MTTP: variants seen among roughly 807,000 people sequenced by gnomAD.
MTTP encodes microsomal triglyceride transfer protein large subunit.
A neutral mutation model predicts 90.6 loss-of-function variants in MTTP; 49 were observed. The ratio of observed to expected loss-of-function variants is 0.54; its 90% CI spans 0.43 to 0.69. The LOEUF (loss-of-function observed/expected upper bound fraction) is 0.69. Among genes scored for constraint, MTTP ranks in the 30% least tolerant of loss-of-function variants. The pLI, the probability that MTTP is intolerant of heterozygous loss-of-function variation, is 0.00. For missense variants in MTTP, 945 were observed against 1,067.5 expected, an observed-to-expected ratio of 0.89 and a Z score of 1.60; for synonymous variants, 347 against 384.2, an observed-to-expected ratio of 0.90 and a Z score of 1.13.
intron 12 of MTTP, 118 bp from the exon 13 acceptor site, chr4:99,611,025 G>C (rs1226206223): frequency 3.9e-6 from 4 of 1,022,134 alleles, no homozygotes; most frequent in Non-Finnish European, 6.0e-6. Flanking sequence ...CTCTTGGAAA[G>C]GCATGAGGAA....
intron 12 of MTTP, among the ~76,000 whole-genome samples, chr4:99,609,967 G>A (rs1725911362): frequency 6.6e-6 from 1 of 152,164 alleles, no homozygotes. Flanking sequence ...AGCATTTCAG[G>A]GACCCGGAAA....
chr4:99,592,123 C>G (rs965923627), intron 6 of MTTP, among the ~76,000 whole-genome samples: 2 of 152,042 alleles, frequency 1.3e-5, no homozygotes, highest in Non-Finnish European at 2.9e-5. Flanking sequence ...TGTATCTAGA[C>G]ATAGAAAAAG....
rs746584812 is a variant in MTTP, at chr4:99,619,086, G to T, written c.2330G>T (p.Arg777Leu). ...TTGTGGTATCGTGAGTCTAAAACCC[G>T]AGTGAAAAATAGGTAAGTGTTTATG... ...FSLWYRESKT[R>L]VKNRVTVVIT... Residue 777 changes from arginine to leucine, a missense_variant, in exon 16 of 18, where the codon CGA becomes CTA. By Grantham distance (102) the Arg-to-Leu change is moderately radical (BLOSUM62 -2). Coordinates refer to ENST00000265517, the MANE Select transcript of MTTP (RefSeq NM_001386140.1). 1.9e-6 allele frequency: 3 copies of T among 1,613,234 alleles called. No homozygotes were observed.
chr4:99,570,536 G>A (rs1002718218), upstream of MTTP, among the ~76,000 whole-genome samples: 8 of 151,850 alleles, frequency 5.3e-5, no homozygotes, highest in South Asian at 2.1e-4. Flanking sequence ...ATTGAGCCTC[G>A]TGAATCTGTG....
At chr4:99,579,991 G>A (rs1313312928) in intron 1 of MTTP, among the ~76,000 whole-genome samples, 4 of 144,050 alleles carry the variant, frequency 2.8e-5, no homozygotes, top group East Asian at 2.1e-4. Flanking sequence ...AGCCGAGATC[G>A]CATGACTGCA....
At chr4:99,577,394 T>C (rs1724988182) in intron 1 of MTTP, among the ~76,000 whole-genome samples, 1 of 151,626 alleles carries the variant, frequency 6.6e-6, no homozygotes, top group African/African-American at 2.4e-5. Context: ...TCACTTGAGG[T>C]TGGGAGTTCG....
intron 12 of MTTP, among the ~76,000 whole-genome samples, chr4:99,610,214 C>T (rs1725917735): frequency 6.6e-6 from 1 of 152,168 alleles, no homozygotes; most frequent in Non-Finnish European, 1.5e-5. Flanking sequence ...CAGTGTTGTT[C>T]AGAGACTCTC....
intron 1 of MTTP, among the ~76,000 whole-genome samples, chr4:99,569,081 C>G (rs533640056): frequency 1.2e-4 from 19 of 152,200 alleles, no homozygotes; most frequent in South Asian, 6.2e-4. Context: ...ATGGAGAAAT[C>G]TGACAACACT....
At chr4:99,612,205 T>C (rs899547613) in intron 14 of MTTP, among the ~76,000 whole-genome samples, 3 of 152,198 alleles carry the variant, frequency 2.0e-5, no homozygotes, top group Non-Finnish European at 4.4e-5. Flanking sequence ...GTCAGAGTAC[T>C]ATGCCTTTCT....
At chr4:99,583,055 A>G (rs1436562948) in intron 2 of MTTP, among the ~76,000 whole-genome samples, 1 of 152,196 alleles carries the variant, frequency 6.6e-6, no homozygotes, top group Non-Finnish European at 1.5e-5. Flanking sequence ...TGAAGTGATC[A>G]GGTAGACAGC....
At chr4:99,604,974 A>G (rs949925597) in intron 10 of MTTP, among the ~76,000 whole-genome samples, 8 of 152,184 alleles carry the variant, frequency 5.3e-5, no homozygotes, top group African/African-American at 1.9e-4. Flanking sequence ...TCTATGCTCA[A>G]AAGTTACTTG....
intron 7 of MTTP, chr4:99,595,632 C>T (rs1725535388): frequency 6.6e-6 from 1 of 152,012 alleles, no homozygotes; most frequent in Admixed American, 6.6e-5. Context: ...AGATGTAATA[C>T]CATAATTTGC....
upstream of MTTP, among the ~76,000 whole-genome samples, chr4:99,571,208 T>C (rs1001389187): frequency 6.6e-6 from 1 of 152,018 alleles, no homozygotes. Context: ...CCACTTCAAA[T>C]AAATTCATAT....
chr4:99,564,177 G>A, exon 1 of MTTP: 2 of 1,535,524 alleles, frequency 1.3e-6, no homozygotes, highest in Admixed American at 3.9e-5. Context: ...AGTGATGTCT[G>A]TTTTTTCCCG....
rs758127794 is a variant in MTTP, at chr4:99,623,228, T to G, written c.*380T>G. 7 of 220,380 alleles carry G rather than the reference T, an allele frequency of 3.2e-5. No homozygotes were observed. Among genetic ancestry groups the G allele is most frequent in the Non-Finnish European group, 6.4e-5 (7 of 109,688 alleles). The allele number at this position is 220,380 out of a possible 1,614,324, so 13.7% of individuals were successfully genotyped here. ...AATTTTTGATCAATGTATATGAAGCTCTTGATAGGACTTCCTTAAGCATGA... is the reference window on the plus strand; with the variant it reads ...AATTTTTGATCAATGTATATGAAGCGCTTGATAGGACTTCCTTAAGCATGA... On this transcript the variant is annotated 3_prime_UTR_variant, in exon 18 of 18. Coordinates refer to ENST00000265517, the MANE Select transcript of MTTP (RefSeq NM_001386140.1).
At chr4:99,586,183 A>G (rs1725255297) in intron 3 of MTTP, among the ~76,000 whole-genome samples, 1 of 152,136 alleles carries the variant, frequency 6.6e-6, no homozygotes, top group South Asian at 2.1e-4. Flanking sequence ...ATACTTAGAT[A>G]CATATTCATT....
chr4:99,612,127 T>A (rs1725970904), intron 14 of MTTP, among the ~76,000 whole-genome samples: 1 of 152,234 alleles, frequency 6.6e-6, no homozygotes, highest in African/African-American at 2.4e-5. Context: ...GTTTTTAAAA[T>A]GATCCAATGC....
intron 11 of MTTP, among the ~76,000 whole-genome samples, chr4:99,608,454 A>T (rs1045193873): frequency 2.6e-5 from 4 of 152,154 alleles, no homozygotes; most frequent in Admixed American, 2.0e-4. Context: ...CAAAAAAAAA[A>T]TGTTTATTTC....
In MTTP at chr4:99,574,947, C is replaced by T. The variant is rs1281206225; in HGVS notation, c.38C>T (p.Ser13Phe). The T allele has an allele frequency of 6.2e-7, 1 of 1,614,090 alleles. No individual in the cohort carries two copies. ...LLAVLFLCFI[S>F]SYSASVKGHT... ...GCTGTGCTTTTTCTCTGCTTCATTTCCTCATATTCAGCTTCTGTTAAAGGT... is the reference window on the plus strand; with the variant it reads ...GCTGTGCTTTTTCTCTGCTTCATTTTCTCATATTCAGCTTCTGTTAAAGGT... Residue 13 changes from serine (S) to phenylalanine (F), a missense_variant, in exon 1 of 18, where the codon TCC (serine) becomes TTC (phenylalanine). Coordinates refer to ENST00000265517, the MANE Select transcript of MTTP (RefSeq NM_001386140.1).
Sources: allele counts gnomAD v4.1 joint callset (sites outside exome capture counted in the v4.1 genomes callset), GRCh38; gene constraint gnomAD v4.1.1; transcripts MANE v1.5; gene names NCBI Gene and HGNC (gene_info 2026-07-23, HGNC 2026-07-21).